Variants in MGAM2 observed in about 807,000 individuals in gnomAD.
The protein encoded by MGAM2 is maltase-glucoamylase 2 (putative).
A neutral mutation model predicts 96.1 loss-of-function variants in MGAM2; 98 were observed. The ratio of observed to expected loss-of-function variants is 1.02; its 90% CI spans 0.87 to 1.21. MGAM2 has a LOEUF of 1.21. Ranked by LOEUF, MGAM2 falls within the 50% of genes most tolerant of loss-of-function variation. The pLI, the probability that MGAM2 is intolerant of heterozygous loss-of-function variation, is 0.00. For synonymous variants in MGAM2, 749 were observed against 414.8 expected (o/e 1.81, Z -9.79); for missense variants, 2,055 against 1,182.4 (o/e 1.74, Z -10.82).
At position 142,130,052 on chromosome 7, in the gene MGAM2, C is replaced by T. The variant is rs147083785; in HGVS notation, c.187-896C>T. 8.1e-3 allele frequency among the ~76,000 whole-genome samples: 1,225 copies of T among 151,848 alleles called. 18 individuals carry two copies. Among genetic ancestry groups the T allele is most frequent in the South Asian group, 0.041 (197 of 4,794 alleles). ...CTCAGTTGCCATTTGTTTTATTTAT[C>T]ATAACAAAATAATTTTATGTAAATT... On this transcript the variant is annotated intron_variant, in intron 3 of 47. Coordinates refer to ENST00000477922, the MANE Select transcript of MGAM2 (RefSeq NM_001293626.2).
chr7:142,145,009 C>T (rs1284580060), intron 14 of MGAM2, 64 bp downstream of exon 14: 1 of 693,090 alleles, frequency 1.4e-6, no homozygotes, highest in Non-Finnish European at 2.6e-6. Context: ...CTCAGTAATA[C>T]TCAGTGTGGT....
At chr7:142,211,499 G>T (rs994895733) in intron 46 of MGAM2, among the ~76,000 whole-genome samples, 16 of 152,294 alleles carry the variant, frequency 1.1e-4, no homozygotes, top group African/African-American at 3.9e-4. Flanking sequence ...GAACATAAAT[G>T]ACCTGATGGA....
At chr7:142,184,977 T>C (rs1168822277) in intron 33 of MGAM2, 100 bp from the exon 34 acceptor site, 2 of 557,006 alleles carry the variant, frequency 3.6e-6, no homozygotes, top group East Asian at 3.0e-5. Context: ...TTCCCAAGCG[T>C]TTCATGGAGA....
At chr7:142,124,418 G>C (rs1284324924) in intron 3 of MGAM2, among the ~76,000 whole-genome samples, 1 of 152,010 alleles carries the variant, frequency 6.6e-6, no homozygotes, top group Non-Finnish European at 1.5e-5. Flanking sequence ...ATTTTGTTGA[G>C]TTACTAGTTT....
At chr7:142,181,575 T>C (rs1195171037) in intron 32 of MGAM2, among the ~76,000 whole-genome samples, 3 of 152,216 alleles carry the variant, frequency 2.0e-5, no homozygotes, top group Non-Finnish European at 4.4e-5. Context: ...CTCTAATCAC[T>C]GATATCATGC....
At chr7:142,187,430 T>C (rs1338639822) in intron 35 of MGAM2, among the ~76,000 whole-genome samples, 3 of 152,246 alleles carry the variant, frequency 2.0e-5, no homozygotes, top group African/African-American at 4.8e-5. Context: ...GAGATTTCCT[T>C]AGGTCCTGTG....
In MGAM2 at chr7:142,220,878, A is replaced by G. The variant is rs1314052757; in HGVS notation, c.6367A>G (p.Thr2123Ala). The G allele has an allele frequency of 1.4e-6, 1 of 701,912 alleles. No homozygotes were observed. Among genetic ancestry groups the G allele is most frequent in the Non-Finnish European group, 2.6e-6 (1 of 384,754 alleles). The allele number at this position is 701,912 out of a possible 1,614,324, so 43.5% of individuals were successfully genotyped here. The change falls in exon 48 of 48, where the codon ACT becomes GCT. Residue 2123 changes from threonine to alanine, a missense_variant. Coordinates refer to ENST00000477922, the MANE Select transcript of MGAM2 (RefSeq NM_001293626.2). ...TISTTVLIAT[T>A]SSLTGTTDVS... ...TAGTACTACTGTACTTATTGCCACT[A>G]CTTCTTCTCTAACAGGTACTACTGA...
rs146783694 is a variant in MGAM2 at position 142,121,562 on chromosome 7, G to A, written c.186+1181G>A. Among the ~76,000 whole-genome samples, 308 of 151,920 alleles carry A rather than the reference G, an allele frequency of 2.0e-3. 1 individual carries two copies. The highest frequency in any genetic ancestry group is 2.9e-3 in the Non-Finnish European group (194 of 67,954). ...ATGTGAATTATGATGTTTTCCCTAC[G>A]TATTTCACATCCTTGGTTTCTACTG... is the stretch of plus-strand genomic sequence containing the variant. On this transcript the variant is annotated intron_variant, in intron 3 of 47. Coordinates refer to ENST00000477922, the MANE Select transcript of MGAM2 (RefSeq NM_001293626.2).
At chr7:142,176,412 C>T (rs989340281) in intron 32 of MGAM2, among the ~76,000 whole-genome samples, 27 of 152,264 alleles carry the variant, frequency 1.8e-4, no homozygotes, top group African/African-American at 6.3e-4. Flanking sequence ...TACTAATTCA[C>T]GTATTTATTG....
At chr7:142,144,984 C>T (rs940651470) in intron 14 of MGAM2, 39 bp downstream of exon 14, 7 of 700,544 alleles carry the variant, frequency 1.0e-5, no homozygotes, top group Non-Finnish European at 1.8e-5. Context: ...AGGAATAAGC[C>T]ATGTTTAAAA....
intron 1 of MGAM2, among the ~76,000 whole-genome samples, chr7:142,113,503 A>G (rs983021975): frequency 6.2e-4 from 94 of 150,918 alleles, no homozygotes; most frequent in Non-Finnish European, 1.9e-4. Flanking sequence ...ACAGAATGAG[A>G]GGAATTAAAA....
At chr7:142,178,674 G>A (rs1274029688) in intron 32 of MGAM2, among the ~76,000 whole-genome samples, 1 of 151,906 alleles carries the variant, frequency 6.6e-6, no homozygotes, top group Non-Finnish European at 1.5e-5. Context: ...GTAGGTGTGT[G>A]ATAGTATACG....
chr7:142,128,720 C>T (rs919478283), intron 3 of MGAM2, among the ~76,000 whole-genome samples: 8 of 152,144 alleles, frequency 5.3e-5, no homozygotes, highest in Non-Finnish European at 7.4e-5. Context: ...AGTCAAGCAC[C>T]GAGGTATAGG....
At chr7:142,206,978 C>T (rs1797419900) in intron 45 of MGAM2, among the ~76,000 whole-genome samples, 1 of 152,286 alleles carries the variant, frequency 6.6e-6, no homozygotes, top group South Asian at 2.1e-4. Flanking sequence ...GTTGCATTTT[C>T]TAGCCAAGAC....
intron 2 of MGAM2, 145 bp downstream of exon 2, chr7:142,117,124 T>C (rs2129073495): frequency 1.6e-6 from 1 of 622,608 alleles, no homozygotes; most frequent in African/African-American, 1.8e-5. Flanking sequence ...TAAGTTCAAC[T>C]CCAAAAGATA....
At chr7:142,155,988 A>T (rs1397028115) in intron 17 of MGAM2, among the ~76,000 whole-genome samples, 1 of 152,150 alleles carries the variant, frequency 6.6e-6, no homozygotes, top group Admixed American at 6.5e-5. Context: ...TCTACTAAAA[A>T]TACAAAATTA....
At chr7:142,176,452 A>C (rs973470037) in intron 32 of MGAM2, among the ~76,000 whole-genome samples, 4 of 146,042 alleles carry the variant, frequency 2.7e-5, no homozygotes, top group African/African-American at 9.8e-5. Context: ...ACTCTTCTAC[A>C]AGTTGTGTGT....
chr7:142,165,952 C>G (rs1796015903), intron 24 of MGAM2, 146 bp from the exon 25 acceptor site: 1 of 551,214 alleles, frequency 1.8e-6, no homozygotes, highest in Admixed American at 3.3e-5. Context: ...ACCCAGGAAT[C>G]AGCCAAGTTC....
At position 142,192,664 on chromosome 7, in the gene MGAM2, A is replaced by C. The variant is rs7805924; in HGVS notation, c.4346+3159A>C. Among the ~76,000 whole-genome samples, 1,509 of 152,316 alleles carry C rather than the reference A, an allele frequency of 9.9e-3. 27 individuals are homozygous for C. The highest frequency in any genetic ancestry group is 0.035 in the African/African-American group (1,434 of 41,558). On this transcript the variant is annotated intron_variant, in intron 37 of 47. Coordinates refer to ENST00000477922, the MANE Select transcript of MGAM2 (RefSeq NM_001293626.2). ...AAAACTTGATAAAGTTTCTACCAAA[A>C]GCTCAACTTTCCCATGCACCATCCC...
Sources: allele counts gnomAD v4.1 joint callset (sites outside exome capture counted in the v4.1 genomes callset), GRCh38; gene constraint gnomAD v4.1.1; transcripts MANE v1.5; gene names NCBI Gene and HGNC (gene_info 2026-07-23, HGNC 2026-07-21).